Variants in PLCH2 observed in about 807,000 individuals in gnomAD.
PLCH2 encodes phospholipase C eta 2.
In PLCH2, 98 loss-of-function variants were observed where a neutral mutation model predicts 134.7. The ratio of observed to expected loss-of-function variants is 0.73; its 90% CI spans 0.62 to 0.86. The LOEUF (loss-of-function observed/expected upper bound fraction) is 0.86. Ranked by LOEUF, PLCH2 falls within the 40% of genes least tolerant of loss-of-function variation. PLCH2 has a pLI of 0.00. For synonymous variants in PLCH2, 974 were observed against 827.5 expected, an observed-to-expected ratio of 1.18 and a Z score of -3.04; for missense variants, 1,994 against 1,986.6, an observed-to-expected ratio of 1.00 and a Z score of -0.07.
In PLCH2 at chr1:2,484,461, A is replaced by G. The variant is rs1241576219; in HGVS notation, c.659A>G (p.Asp220Gly). 1 of 1,613,180 alleles carries G rather than the reference A, an allele frequency of 6.2e-7. No individual in the cohort carries two copies. The highest frequency in any genetic ancestry group is 8.5e-7 in the Non-Finnish European group (1 of 1,179,702). ...VKQMFREADTDDHQGTLGFEE... is the reference protein window; with the variant it reads ...VKQMFREADTGDHQGTLGFEE... ...CTTGCATTGCAGGAAGCGGACACGG[A>G]TGACCACCAAGGGACGCTGGGTTTT... The change falls in exon 5 of 22, where the codon GAT (aspartate) becomes GGT (glycine). Residue 220 changes from aspartate (D) to glycine (G), a missense_variant. Physicochemically the swap from Asp to Gly is moderately conservative, Grantham distance 94. Transcript: ENST00000378486.
intron 21 of PLCH2, 158 bp downstream of exon 21, chr1:2,502,567 G>C (rs745817090): frequency 1.2e-6 from 1 of 818,764 alleles, no homozygotes; most frequent in South Asian, 1.4e-5. Flanking sequence ...AGAGGGAGCG[G>C]CCACCCAGCC....
chr1:2,485,579 C>T (rs1363321919), intron 5 of PLCH2, among the ~76,000 whole-genome samples: 2 of 151,142 alleles, frequency 1.3e-5, no homozygotes, highest in South Asian at 2.1e-4. Flanking sequence ...TAGGGACCTC[C>T]ACTCTACTGG....
intron 2 of PLCH2, among the ~76,000 whole-genome samples, chr1:2,454,092 G>A (rs1034917073): frequency 3.3e-5 from 5 of 152,190 alleles, no homozygotes; most frequent in Admixed American, 2.0e-4. Context: ...TGCCCACTGT[G>A]GGCATAGCCA....
chr1:2,433,450 C>T (rs1294934925), intron 2 of PLCH2, among the ~76,000 whole-genome samples: 1 of 151,786 alleles, frequency 6.6e-6, no homozygotes, highest in Non-Finnish European at 1.5e-5. Context: ...GGCTGTGGCT[C>T]TTGGGGTTCA....
At chr1:2,481,233 T>C (rs943133847) in intron 4 of PLCH2, among the ~76,000 whole-genome samples, 1 of 152,210 alleles carries the variant, frequency 6.6e-6, no homozygotes, top group Non-Finnish European at 1.5e-5. Flanking sequence ...CAAGGGAAGC[T>C]GGCCTGCTCA....
chr1:2,453,945 TGG>T (rs1438716305), intron 2 of PLCH2, among the ~76,000 whole-genome samples: 1 of 141,632 alleles, frequency 7.1e-6, no homozygotes, highest in Non-Finnish European at 1.5e-5. Context: ...CCAGCCAGTG[TGG>T]GGGCCTCTGA....
In PLCH2 at chr1:2,462,447, C is replaced by T. The variant is rs72644632; in HGVS notation, c.116-16029C>T. Among the ~76,000 whole-genome samples the T allele has an allele frequency of 4.1e-5, 6 of 147,986 alleles. No individual in the cohort carries two copies. The East Asian group carries it at 1.2e-3, about 30-fold the overall frequency. ...CCACCTGACACCCCTCTGCCTGACA[C>T]CCCTCCATCTGACACCCTTCCACCT... On this transcript the variant is annotated intron_variant, in intron 2 of 3. Coordinates refer to the PLCH2 transcript ENST00000609981.
intron 2 of PLCH2, 72 bp from the exon 3 acceptor site, chr1:2,479,662 A>G: frequency 6.8e-7 from 1 of 1,463,518 alleles, no homozygotes; most frequent in Non-Finnish European, 9.2e-7. Context: ...TGGTCTCCGC[A>G]GTGTTGGGGC....
the PLCH2 span, among the ~76,000 whole-genome samples, chr1:2,416,205 C>G: frequency 2.0e-5 from 3 of 152,204 alleles, no homozygotes; most frequent in African/African-American, 7.2e-5. Flanking sequence ...GCAGGGTGGG[C>G]CCAGGAGCTG....
chr1:2,502,464 G>A (rs555401659), intron 21 of PLCH2, 55 bp downstream of exon 21: 13 of 1,497,364 alleles, frequency 8.7e-6, no homozygotes, highest in Admixed American at 5.9e-5. Flanking sequence ...CGGCCCCCGC[G>A]TGTCCTGGAC....
At chr1:2,418,151 G>C in the PLCH2 span, among the ~76,000 whole-genome samples, 1 of 152,350 alleles carries the variant, frequency 6.6e-6, no homozygotes, top group South Asian at 2.1e-4. Flanking sequence ...AGGTGCCCCC[G>C]AGAATTCCGG....
At chr1:2,489,915 C>G (rs1181794110) in intron 10 of PLCH2, 48 bp downstream of exon 10, 3 of 1,296,794 alleles carry the variant, frequency 2.3e-6, no homozygotes, top group African/African-American at 1.5e-5. Context: ...CTGCAGTTCC[C>G]AAGAACAGCT....
intron 10 of PLCH2, 47 bp from the exon 11 acceptor site, chr1:2,491,145 G>T: frequency 3.8e-6 from 6 of 1,572,576 alleles, no homozygotes; most frequent in Non-Finnish European, 5.2e-6. Flanking sequence ...GCCACTACTC[G>T]CAGGGCTCGG....
chr1:2,497,678 CA>C, intron 16 of PLCH2, 69 bp downstream of exon 16: 1 of 1,092,214 alleles, frequency 9.2e-7, no homozygotes, highest in Non-Finnish European at 1.3e-6. Context: ...GTCCCCAGAA[CA>C]GAGATCGGAG....
chr1:2,458,571 G>T (rs982477006), intron 2 of PLCH2, among the ~76,000 whole-genome samples: 3 of 152,160 alleles, frequency 2.0e-5, no homozygotes, highest in Non-Finnish European at 4.4e-5. Flanking sequence ...GTCCAGCAAG[G>T]TTGGTGTGAC....
chr1:2,504,379 C>G lies in PLCH2; in HGVS notation c.3417C>G (p.His1139Gln), dbSNP rs1643415993. 6.2e-7 allele frequency: 1 copy of G among 1,612,040 alleles called. No homozygotes were observed. The highest frequency in any genetic ancestry group is 8.5e-7 in the Non-Finnish European group (1 of 1,179,746). ...GGCAGCGGCTGGAGCCATGTGGCCACCGAGACAGCGTTTCCTCCTCCTCCA... is the reference window on the plus strand; with the variant it reads ...GGCAGCGGCTGGAGCCATGTGGCCAGCGAGACAGCGTTTCCTCCTCCTCCA... Reference protein sequence around the residue: ...PLWQRLEPCGHRDSVSSSSSM... With the variant: ...PLWQRLEPCGQRDSVSSSSSM... The change falls in exon 22 of 22, where the codon CAC becomes CAG. Residue 1139 changes from histidine to glutamine, a missense_variant. His to Gln is a conservative substitution (Grantham distance 24). Coordinates refer to ENST00000378486, the MANE Select transcript of PLCH2 (RefSeq NM_014638.4).
Position 2,448,808 on chromosome 1 carries a change from G to C in PLCH2, c.115+18179G>C, listed in dbSNP as rs550305393. Among the ~76,000 whole-genome samples, 1 of 152,172 alleles carries C rather than the reference G, an allele frequency of 6.6e-6. No homozygotes were observed. The highest frequency in any genetic ancestry group is 6.5e-5 in the Admixed American group (1 of 15,288). Reference sequence around the variant, plus strand: ...GTCCTGGCTCCACAGGTGACCAAGAGGGGTACTGGAGGCCTGGACGGGCCT... The same window carrying C: ...GTCCTGGCTCCACAGGTGACCAAGACGGGTACTGGAGGCCTGGACGGGCCT... On this transcript the variant is annotated intron_variant, in intron 2 of 3. Transcript: ENST00000609981. This position sits in a 1 kb window ranked among gnomAD's most constrained non-coding sequence, Gnocchi z 4.0.
chr1:2,427,181 C>T (rs1040387677), intron 1 of PLCH2, among the ~76,000 whole-genome samples: 8 of 152,290 alleles, frequency 5.3e-5, no homozygotes, highest in East Asian at 3.9e-4. Flanking sequence ...CGGGTGCCGG[C>T]GGCTAGGGGC....
At chr1:2,437,511 C>T (rs796717958) in intron 2 of PLCH2, among the ~76,000 whole-genome samples, 43 of 151,988 alleles carry the variant, frequency 2.8e-4, no homozygotes, top group African/African-American at 9.2e-4. Context: ...CACCCTCCCG[C>T]CCACCATCCG....
Sources: gnomAD v4.1 joint callset for allele counts (sites outside exome capture counted in the v4.1 genomes callset) on GRCh38, gnomAD v4.1.1 for gene constraint, Gnocchi (gnomAD v3.1) non-coding constraint, MANE v1.5 for transcripts, NCBI Gene and HGNC (gene_info 2026-07-23, HGNC 2026-07-21) for gene names.